GRM5: variants seen among roughly 807,000 people sequenced by gnomAD.
GRM5 encodes the protein glutamate metabotropic receptor 5, also known as metabotropic glutamate receptor 5.
Under a neutral mutation model 83.1 loss-of-function variants are expected in GRM5, and 19 were observed. That is an observed-to-expected ratio of 0.23 (90% CI 0.16 to 0.34). GRM5 has a LOEUF of 0.34. GRM5 is among the 10% of genes least tolerant of loss of function. The pLI, the probability that GRM5 is intolerant of heterozygous loss-of-function variation, is 1.00. For missense variants in GRM5, 1,160 were observed against 1,588.3 expected (o/e 0.73, Z 4.58); for synonymous variants, 675 against 633.6 (o/e 1.07, Z -0.98).
At chr11:88,674,682 AT>A (rs1194805968) in intron 3 of GRM5, among the ~76,000 whole-genome samples, 1 of 151,888 alleles carries the variant, frequency 6.6e-6, no homozygotes, top group African/African-American at 2.4e-5. Context: ...CAAAGTCATG[AT>A]GATTCCATTG....
intron 3 of GRM5, among the ~76,000 whole-genome samples, chr11:88,726,033 T>C (rs993970407): frequency 4.6e-5 from 7 of 152,116 alleles, no homozygotes; most frequent in African/African-American, 7.2e-5. Flanking sequence ...GGATGGAGAA[T>C]GAGTTTGATG....
At chr11:88,822,240 A>G (rs1480212702) in intron 3 of GRM5, among the ~76,000 whole-genome samples, 1 of 152,196 alleles carries the variant, frequency 6.6e-6, no homozygotes, top group Non-Finnish European at 1.5e-5. Context: ...AGGATGACGC[A>G]TACTTTGATA....
rs562970779 is a variant in GRM5 at position 88,653,056 on chromosome 11, T to A, written c.1147+112A>T. 59 of 677,138 alleles carry A rather than the reference T, an allele frequency of 8.7e-5. No individual in the cohort carries two copies. In the East Asian group the frequency reaches 1.4e-3, roughly 16 times the overall value. 41.9% of individuals were successfully genotyped at this position (677,138 alleles called of 1,614,324 possible). On this transcript the variant is annotated intron_variant, in intron 4 of 9. Transcript: ENST00000305447. Reference sequence around the variant, plus strand: ...CATAAGTGGCAATATCCACTCTACTTATGTAAGAGTCCTCCCTTGTAACAT... The same window carrying A: ...CATAAGTGGCAATATCCACTCTACTAATGTAAGAGTCCTCCCTTGTAACAT...
At chr11:89,038,028 T>G (rs1163994763) in intron 2 of GRM5, among the ~76,000 whole-genome samples, 1 of 152,194 alleles carries the variant, frequency 6.6e-6, no homozygotes, top group Non-Finnish European at 1.5e-5. Flanking sequence ...TCTATTTTAA[T>G]GTATTCTCTA....
At chr11:88,829,094 G>A (rs929797414) in intron 3 of GRM5, among the ~76,000 whole-genome samples, 1 of 151,848 alleles carries the variant, frequency 6.6e-6, no homozygotes, top group African/African-American at 2.4e-5. Flanking sequence ...AACAAAATTA[G>A]TATACGAAAA....
chr11:88,954,416 T>C (rs1223226102), intron 2 of GRM5, among the ~76,000 whole-genome samples: 2 of 152,102 alleles, frequency 1.3e-5, no homozygotes, highest in Non-Finnish European at 2.9e-5. Flanking sequence ...GTAAGTAAAG[T>C]GAATGTTATT....
chr11:88,577,350 G>A (rs943097788), intron 7 of GRM5, among the ~76,000 whole-genome samples: 1 of 152,032 alleles, frequency 6.6e-6, no homozygotes, highest in African/African-American at 2.4e-5. Flanking sequence ...GGGACAAAGT[G>A]CACACATGTA....
At chr11:88,953,954 C>A (rs1387703076) in intron 2 of GRM5, among the ~76,000 whole-genome samples, 1 of 152,136 alleles carries the variant, frequency 6.6e-6, no homozygotes, top group East Asian at 1.9e-4. Flanking sequence ...TCTGTAAACA[C>A]CACTGAAAGA....
chr11:88,823,838 C>G (rs1943846004), intron 3 of GRM5, among the ~76,000 whole-genome samples: 1 of 152,234 alleles, frequency 6.6e-6, no homozygotes, highest in Non-Finnish European at 1.5e-5. Context: ...TCCAGAGATC[C>G]TCTTTTTCAC....
intron 8 of GRM5, among the ~76,000 whole-genome samples, chr11:88,543,600 A>AC (rs145033329): frequency 1.4e-5 from 2 of 146,964 alleles, no homozygotes; most frequent in Admixed American, 1.4e-4. Context: ...GAAAAAAAAA[A>AC]CCCACAACCA....
At chr11:88,800,786 G>A (rs1943378319) in intron 3 of GRM5, among the ~76,000 whole-genome samples, 1 of 152,102 alleles carries the variant, frequency 6.6e-6, no homozygotes. Context: ...TTATGCATAA[G>A]TTGGGAGAAA....
intron 2 of GRM5, among the ~76,000 whole-genome samples, chr11:88,854,390 A>T (rs1364446299): frequency 6.6e-6 from 1 of 151,910 alleles, no homozygotes; most frequent in East Asian, 1.9e-4. Context: ...GTTGCACAAT[A>T]ATCAAAATAT....
At chr11:88,932,944 T>G (rs572526353) in intron 2 of GRM5, among the ~76,000 whole-genome samples, 47 of 152,090 alleles carry the variant, frequency 3.1e-4, no homozygotes, top group African/African-American at 1.1e-3. Context: ...CTTCTCTCCT[T>G]GACCCACATA....
chr11:88,879,419 G>C (rs969195959), intron 2 of GRM5, among the ~76,000 whole-genome samples: 2 of 151,406 alleles, frequency 1.3e-5, no homozygotes, highest in Non-Finnish European at 2.9e-5. Context: ...AAGTCTTTAA[G>C]TTAGATATTA....
chr11:88,574,527 G>C (rs942513192), intron 7 of GRM5, among the ~76,000 whole-genome samples: 1 of 152,138 alleles, frequency 6.6e-6, no homozygotes, highest in African/African-American at 2.4e-5. Flanking sequence ...CCAGCACTTT[G>C]GGAGGCCGAG....
intron 3 of GRM5, among the ~76,000 whole-genome samples, chr11:88,742,816 T>C (rs1183053283): frequency 6.6e-6 from 1 of 152,110 alleles, no homozygotes; most frequent in Non-Finnish European, 1.5e-5. Context: ...TGATGCCATC[T>C]GGGAAGTGTA....
At chr11:88,908,443 A>G (rs1945439344) in intron 2 of GRM5, among the ~76,000 whole-genome samples, 1 of 152,042 alleles carries the variant, frequency 6.6e-6, no homozygotes, top group Non-Finnish European at 1.5e-5. Context: ...CCCTGCTAGG[A>G]GTTTCTTTCC....
chr11:88,776,928 C>G (rs1565225689), intron 3 of GRM5, among the ~76,000 whole-genome samples: 1 of 152,096 alleles, frequency 6.6e-6, no homozygotes, highest in Non-Finnish European at 1.5e-5. Context: ...TGGGGTTGCT[C>G]TTCTTGAGGA....
intron 3 of GRM5, among the ~76,000 whole-genome samples, chr11:88,723,561 G>T (rs956435973): frequency 6.6e-6 from 1 of 151,856 alleles, no homozygotes; most frequent in Non-Finnish European, 1.5e-5. Flanking sequence ...TCAAACAAAT[G>T]GTTGTTACTA....
Sources: gnomAD v4.1 joint callset for allele counts (sites outside exome capture counted in the v4.1 genomes callset) on GRCh38, gnomAD v4.1.1 for gene constraint, MANE v1.5 for transcripts, NCBI Gene and HGNC (gene_info 2026-07-23, HGNC 2026-07-21) for gene names.